The following SAAL1 variants were observed in gnomAD, a reference collection of about 807,000 sequenced individuals.
SAAL1 encodes protein SAAL1.
In SAAL1, 42 loss-of-function variants were observed where a neutral mutation model predicts 59.8. That is an observed-to-expected ratio of 0.70 (90% CI 0.55 to 0.91). The LOEUF is 0.91. SAAL1 is among the 40% of genes least tolerant of loss of function. The pLI is 0.00. For synonymous variants in SAAL1, 191 were observed against 194.3 expected (o/e 0.98, Z 0.14); for missense variants, 542 against 561.1 (o/e 0.97, Z 0.34).
At chr11:18,104,902 T>C (rs1230825397) in intron 1 of SAAL1, among the ~76,000 whole-genome samples, 2 of 152,138 alleles carry the variant, frequency 1.3e-5, no homozygotes, top group Non-Finnish European at 2.9e-5. Flanking sequence ...AAGATTATTC[T>C]GGCAGCTGTG....
chr11:18,089,281 C>T (rs779205145), intron 7 of SAAL1, 49 bp downstream of exon 7: 2 of 1,447,854 alleles, frequency 1.4e-6, no homozygotes, highest in East Asian at 2.4e-5. Context: ...GAGAATACTT[C>T]TAGCAATTGC....
At chr11:18,090,123 A>C in intron 6 of SAAL1, 52 bp downstream of exon 6, 1 of 1,466,800 alleles carries the variant, frequency 6.8e-7, no homozygotes, top group Non-Finnish European at 9.1e-7. Context: ...TGGTTTCCTA[A>C]AAATTAGATA....
intron 9 of SAAL1, among the ~76,000 whole-genome samples, chr11:18,084,555 CT>C (rs544180152): frequency 6.4e-4 from 97 of 152,324 alleles, no homozygotes; most frequent in African/African-American, 2.3e-3. Context: ...GGCTTTTACA[CT>C]TTCCATTCCC....
At chr11:18,104,934 T>C (rs1564874259) in intron 1 of SAAL1, among the ~76,000 whole-genome samples, 3 of 152,028 alleles carry the variant, frequency 2.0e-5, no homozygotes, top group South Asian at 2.1e-4. Flanking sequence ...CTGGAGAGGA[T>C]AGACAATAGG....
intron 4 of SAAL1, among the ~76,000 whole-genome samples, chr11:18,091,490 T>C (rs1327149674): frequency 6.6e-6 from 1 of 152,050 alleles, no homozygotes; most frequent in Non-Finnish European, 1.5e-5. Flanking sequence ...CAACTAGGAG[T>C]TCTCTCTTTC....
chr11:18,081,002 T>G (rs1234168097), intron 11 of SAAL1, among the ~76,000 whole-genome samples: 1 of 152,248 alleles, frequency 6.6e-6, no homozygotes, highest in Non-Finnish European at 1.5e-5. Flanking sequence ...CAACTTTTAT[T>G]GTAGACTCAG....
intron 4 of SAAL1, 76 bp downstream of exon 4, chr11:18,092,169 C>CT: frequency 1.3e-6 from 1 of 753,918 alleles, no homozygotes; most frequent in Non-Finnish European, 2.2e-6. Context: ...AGATTTGCTA[C>CT]TTTTCCTATG....
chr11:18,086,587 G>A (rs1461472524), intron 9 of SAAL1, among the ~76,000 whole-genome samples: 1 of 152,098 alleles, frequency 6.6e-6, no homozygotes, highest in Non-Finnish European at 1.5e-5. Context: ...TGTAATCCCA[G>A]GTACTTGGGA....
In SAAL1 at chr11:18,087,159, A is replaced by G; in HGVS notation, c.837T>C (p.Asp279=). The stretch of plus-strand genomic sequence containing the variant: ...CCACCTTACCAATTGCTTGAATTCC[A>G]TCATCCACTGTAGTAAGCAGTTGTA... The part of the protein sequence containing the change: ...HILQLLTTVD[D]GIQAIVHCPD... The change falls in exon 8 of 12, where the codon GAT becomes GAC. Residue 279 remains aspartate, a synonymous_variant. Transcript: ENST00000524803. The G allele has an allele frequency of 6.2e-7, 1 of 1,612,914 alleles. No homozygotes were observed.
chr11:18,091,588 T>C (rs1848524117), intron 4 of SAAL1, among the ~76,000 whole-genome samples: 2 of 152,200 alleles, frequency 1.3e-5, no homozygotes, highest in South Asian at 4.1e-4. Flanking sequence ...TCTTAACCTA[T>C]TTTGGGTACA....
intron 1 of SAAL1, 22 bp downstream of exon 1, chr11:18,105,885 C>A: frequency 6.3e-7 from 1 of 1,574,928 alleles, no homozygotes; most frequent in Non-Finnish European, 8.6e-7. Context: ...GGACACCCCA[C>A]GCGTGGCGCG....
At position 18,103,242 on chromosome 11, in the gene SAAL1, T is replaced by A; in HGVS notation, c.240A>T (p.Ser80=). Residue 80 remains serine, a synonymous_variant, in exon 2 of 12, where the codon TCA becomes TCT. Coordinates refer to ENST00000524803, the MANE Select transcript of SAAL1 (RefSeq NM_138421.3). ...ENEICRVWDM[S]MDEDVALFLQ... is the part of the protein sequence containing the mutation. ...GTTTCCAGCCTCATACCTCATCCAT[T>A]GACATATCCCATACTCTGCAAATTT... 6.2e-7 allele frequency: 1 copy of A among 1,607,280 alleles called. No individual in the cohort carries two copies. Among genetic ancestry groups the A allele is most frequent in the Non-Finnish European group, 8.5e-7 (1 of 1,173,864 alleles).
Position 18,081,460 on chromosome 11 carries a change from T to G in SAAL1, c.1283A>C (p.Gln428Pro). 6.2e-7 allele frequency: 1 copy of G among 1,614,162 alleles called. No homozygotes were observed. Among genetic ancestry groups the G allele is most frequent in the Non-Finnish European group, 8.5e-7 (1 of 1,179,992 alleles). Residue 428 changes from glutamine (Q) to proline (P), a missense_variant, in exon 11 of 12, where the codon CAG becomes CCG. Coordinates refer to ENST00000524803, the MANE Select transcript of SAAL1 (RefSeq NM_138421.3). ...GTTTTGAAATGCAGAGGAACACTTCTGTTTGCTCAACTGGCCTTCCTTTAC... is the reference window on the plus strand; with the variant it reads ...GTTTTGAAATGCAGAGGAACACTTCGGTTTGCTCAACTGGCCTTCCTTTAC... ...QGVKEGQLSK[Q>P]KCSSAFQNLL...
chr11:18,080,807 T>G (rs558800408), intron 11 of SAAL1, among the ~76,000 whole-genome samples: 183 of 152,232 alleles, frequency 1.2e-3, no homozygotes, highest in Non-Finnish European at 2.0e-3. Flanking sequence ...GTAGGAAATG[T>G]GATGTCATTT....
chr11:18,086,720 AAAAAT>A, intron 9 of SAAL1, 141 bp downstream of exon 9: 1 of 455,392 alleles, frequency 2.2e-6, no homozygotes, highest in Non-Finnish European at 3.6e-6. Flanking sequence ...AAAATCAATA[AAAAAT>A]AAAATAAATA....
At chr11:18,105,332 C>CTTTTTTTT (rs905892562) in intron 1 of SAAL1, among the ~76,000 whole-genome samples, 1 of 127,444 alleles carries the variant, frequency 7.8e-6, no homozygotes. Flanking sequence ...TCACGACCGG[C>CTTTTTTTT]TTTTTTTTTT....
At chr11:18,090,021 C>A (rs138762790) in intron 6 of SAAL1, among the ~76,000 whole-genome samples, 154 bp downstream of exon 6, 1 of 152,318 alleles carries the variant, frequency 6.6e-6, no homozygotes, top group African/African-American at 2.4e-5. Flanking sequence ...GCACTCCAAC[C>A]TGGGTGACAG....
At chr11:18,080,524 A>G in intron 11 of SAAL1, 33 bp from the exon 12 acceptor site, 1 of 1,449,992 alleles carries the variant, frequency 6.9e-7, no homozygotes, top group East Asian at 2.3e-5. Flanking sequence ...AAAATCAAAC[A>G]CAGAAGAGAA....
At chr11:18,090,135 A>G in intron 6 of SAAL1, 40 bp downstream of exon 6, 4 of 1,491,424 alleles carry the variant, frequency 2.7e-6, no homozygotes, top group Non-Finnish European at 2.7e-6. Flanking sequence ...AATTAGATAC[A>G]ATTTAAAACA....
Sources: allele counts gnomAD v4.1 joint callset (sites outside exome capture counted in the v4.1 genomes callset), GRCh38; gene constraint gnomAD v4.1.1; transcripts MANE v1.5; gene names NCBI Gene and HGNC (gene_info 2026-07-23, HGNC 2026-07-21).